SMIM10L3: variants seen among roughly 807,000 people sequenced by gnomAD.
SMIM10L3 encodes the protein salivary gland specific protein SAGSIN1.
chr7:6,339,140 T>C, the SMIM10L3 span, among the ~76,000 whole-genome samples: 2 of 152,126 alleles, frequency 1.3e-5, no homozygotes, highest in African/African-American at 2.4e-5. Context: ...CTAACATCAC[T>C]GAGTTCCTGC....
chr7:6,346,028 C>G, the SMIM10L3 span, among the ~76,000 whole-genome samples: 1 of 152,104 alleles, frequency 6.6e-6, no homozygotes, highest in East Asian at 1.9e-4. Flanking sequence ...TTCAGCCTCC[C>G]AATATACTGG....
chr7:6,334,977 G>T, the SMIM10L3 span, among the ~76,000 whole-genome samples: 1 of 151,736 alleles, frequency 6.6e-6, no homozygotes, highest in Admixed American at 6.6e-5. Context: ...ATGTTGGTCA[G>T]GCTGGTCTCA....
At chr7:6,332,830 C>G in the SMIM10L3 span, among the ~76,000 whole-genome samples, 1 of 152,150 alleles carries the variant, frequency 6.6e-6, no homozygotes, top group Admixed American at 6.6e-5. Context: ...CTAGGAGACT[C>G]TTAATGCTAA....
At chr7:6,343,464 A>G in the SMIM10L3 span, among the ~76,000 whole-genome samples, 1 of 140,052 alleles carries the variant, frequency 7.1e-6, no homozygotes, top group Non-Finnish European at 1.5e-5. Context: ...ACTAAGAAAC[A>G]CTTCGTTCTT....
chr7:6,348,800 C>T, the SMIM10L3 span: 5 of 396,420 alleles, frequency 1.3e-5, no homozygotes, highest in Middle Eastern at 1.3e-3. Context: ...CCGCCCTCTC[C>T]GCGCCGCGTC....
chr7:6,340,174 C>T, the SMIM10L3 span, among the ~76,000 whole-genome samples: 13 of 152,256 alleles, frequency 8.5e-5, no homozygotes, highest in Non-Finnish European at 1.6e-4. Context: ...CATGAGCTAC[C>T]GCGCCCGGCC....
the SMIM10L3 span, among the ~76,000 whole-genome samples, chr7:6,334,490 T>C: frequency 1.3e-5 from 2 of 151,994 alleles, no homozygotes; most frequent in Non-Finnish European, 2.9e-5. Flanking sequence ...AAAGAAAAGA[T>C]GGAGTCTCAC....
At chr7:6,340,329 T>C in the SMIM10L3 span, among the ~76,000 whole-genome samples, 1 of 152,104 alleles carries the variant, frequency 6.6e-6, no homozygotes, top group Non-Finnish European at 1.5e-5. Flanking sequence ...TGACCAAAAG[T>C]GTTTCAGGGA....
the SMIM10L3 span, chr7:6,330,715 T>C: frequency 6.2e-7 from 1 of 1,614,140 alleles, no homozygotes; most frequent in African/African-American, 1.3e-5. Context: ...AGGCTCTCCT[T>C]TGGGGCACTG....
the SMIM10L3 span, chr7:6,348,881 C>G: frequency 2.6e-6 from 1 of 388,250 alleles, no homozygotes; most frequent in Non-Finnish European, 4.5e-6. Flanking sequence ...GGCGGGCGGG[C>G]GGGCCGCAGT....
chr7:6,331,835 G>T, the SMIM10L3 span, among the ~76,000 whole-genome samples: 1 of 146,826 alleles, frequency 6.8e-6, no homozygotes, highest in South Asian at 2.2e-4. Context: ...CTACCTCTCA[G>T]GTTCGAGCGA....
the SMIM10L3 span, chr7:6,342,041 C>T: frequency 3.9e-5 from 6 of 152,102 alleles, no homozygotes; most frequent in South Asian, 2.1e-4. Flanking sequence ...ATTCAAGATT[C>T]TAAAGATTTT....
the SMIM10L3 span, among the ~76,000 whole-genome samples, chr7:6,342,840 C>T: frequency 6.6e-6 from 1 of 151,630 alleles, no homozygotes; most frequent in East Asian, 2.0e-4. Context: ...AGTTCGAGAC[C>T]ACCCTGGGCA....
chr7:6,343,036 C>CA, the SMIM10L3 span, among the ~76,000 whole-genome samples: 12,530 of 98,882 alleles, frequency 0.13, 1,119 homozygotes, highest in East Asian at 0.59. Flanking sequence ...GACGCTTTCT[C>CA]AAAAAAAAAA....
the SMIM10L3 span, among the ~76,000 whole-genome samples, chr7:6,334,453 T>C: frequency 6.6e-6 from 1 of 151,860 alleles, no homozygotes; most frequent in Non-Finnish European, 1.5e-5. Context: ...GGAGAACAGC[T>C]TGAGTCCCAG....
At chr7:6,330,774 C>T in the SMIM10L3 span, 3 of 1,614,036 alleles carry the variant, frequency 1.9e-6, no homozygotes, top group African/African-American at 4.0e-5. Flanking sequence ...GCCAGTCTCG[C>T]CGCCCCAGAG....
At chr7:6,336,623 G>A in the SMIM10L3 span, among the ~76,000 whole-genome samples, 15 of 151,404 alleles carry the variant, frequency 9.9e-5, no homozygotes, top group African/African-American at 3.6e-4. Flanking sequence ...AGCAGAGGCT[G>A]CCGTGAGCCA....
At chr7:6,333,551 G>A in the SMIM10L3 span, among the ~76,000 whole-genome samples, 1 of 151,676 alleles carries the variant, frequency 6.6e-6, no homozygotes, top group Non-Finnish European at 1.5e-5. Context: ...CAGGCTGGAG[G>A]ACAATGGCGT....
At chr7:6,331,943 G>A in the SMIM10L3 span, among the ~76,000 whole-genome samples, 14 of 151,398 alleles carry the variant, frequency 9.2e-5, 1 homozygote, top group South Asian at 1.7e-3. Flanking sequence ...ATGAGGGTTC[G>A]CCATGTTGGC....
Sources: gnomAD v4.1 joint callset for allele counts (sites outside exome capture counted in the v4.1 genomes callset) on GRCh38, gnomAD v4.1.1 for gene constraint, MANE v1.5 for transcripts, NCBI Gene and HGNC (gene_info 2026-07-23, HGNC 2026-07-21) for gene names.